Variants in SPOP observed in about 807,000 individuals in gnomAD.
SPOP encodes the protein speckle-type POZ protein.
Under a neutral mutation model 45.6 loss-of-function variants are expected in SPOP, and 11 were observed. The ratio of observed to expected loss-of-function variants is 0.24; its 90% CI spans 0.15 to 0.40. SPOP has a LOEUF of 0.40. Among genes scored for constraint, SPOP ranks in the 10% least tolerant of loss-of-function variants. SPOP has a pLI of 1.00. For synonymous variants in SPOP, 166 were observed against 166.3 expected (o/e 1.00, Z 0.01); for missense variants, 152 against 465.6 (o/e 0.33, Z 6.20).
intron 6 of SPOP, among the ~76,000 whole-genome samples, chr17:49,610,542 C>T (rs565930003): frequency 1.3e-5 from 2 of 152,260 alleles, no homozygotes; most frequent in East Asian, 1.9e-4. Context: ...TACACAGTAA[C>T]AGCCAGTTGT....
intron 1 of SPOP, among the ~76,000 whole-genome samples, chr17:49,669,794 C>T (rs1299807379): frequency 6.8e-6 from 1 of 147,586 alleles, no homozygotes; most frequent in Non-Finnish European, 1.5e-5. Flanking sequence ...ATTAAGACAG[C>T]ATAAAAGATG....
chr17:49,620,968 A>G (rs1163296753), intron 3 of SPOP, among the ~76,000 whole-genome samples: 2 of 152,236 alleles, frequency 1.3e-5, no homozygotes, highest in African/African-American at 4.8e-5. Context: ...AAAATGCACA[A>G]TATATAGCCA....
At chr17:49,642,596 G>GA (rs566444888) in intron 1 of SPOP, among the ~76,000 whole-genome samples, 79 of 152,146 alleles carry the variant, frequency 5.2e-4, no homozygotes, top group Non-Finnish European at 1.0e-3. Context: ...ACTACAGTTA[G>GA]AAAAATAATG....
intron 1 of SPOP, among the ~76,000 whole-genome samples, chr17:49,632,017 G>C (rs983792714): frequency 8.5e-5 from 13 of 152,204 alleles, no homozygotes; most frequent in Middle Eastern, 3.4e-3. Context: ...AGCTCAACGA[G>C]AATAGTATCC....
chr17:49,602,048 T>G, intron 8 of SPOP, 41 bp from the exon 9 acceptor site: 1 of 1,607,456 alleles, frequency 6.2e-7, no homozygotes, highest in Non-Finnish European at 8.5e-7. Flanking sequence ...GCAGCAATAG[T>G]TCTGGGCTGA....
chr17:49,637,611 A>G (rs972676879), intron 1 of SPOP, among the ~76,000 whole-genome samples: 3 of 152,150 alleles, frequency 2.0e-5, no homozygotes, highest in Non-Finnish European at 4.4e-5. Flanking sequence ...TCGACCTCCC[A>G]AAGTGCTGGG....
Position 49,619,096 on chromosome 17 carries a change from G to A in SPOP, c.365C>T (p.Ala122Val). The change falls in exon 5 of 10, where the codon GCA (alanine) becomes GTA (valine). Residue 122 changes from alanine (A) to valine (V), a missense_variant. Ala to Val is a moderately conservative substitution (Grantham distance 64). Coordinates refer to ENST00000504102, the MANE Select transcript of SPOP (RefSeq NM_001007228.2). This position sits in a 1 kb window ranked among gnomAD's most constrained non-coding sequence, Gnocchi z 4.9. ...EETKAMESQR[A>V]YRFVQGKDWG... is the part of the protein sequence containing the mutation. ...GTCTTTGCCTTGCACAAACCTATAT[G>A]CCCGTTGACTCTCTGGGGTGGGGAA... The A allele has an allele frequency of 6.2e-7, 1 of 1,613,950 alleles. No individual in the cohort carries two copies. The highest frequency in any genetic ancestry group is 8.5e-7 in the Non-Finnish European group (1 of 1,179,996).
At position 49,607,304 on chromosome 17, in the gene SPOP, C is replaced by T; in HGVS notation, c.783G>A (p.Gly261=). The T allele has an allele frequency of 6.2e-7, 1 of 1,614,090 alleles. No homozygotes were observed. The highest frequency in any genetic ancestry group is 8.5e-7 in the Non-Finnish European group (1 of 1,179,984). ...FKEMMCFIYT[G]KAPNLDKMAD... is the part of the protein sequence containing the mutation. Reference sequence around the variant, plus strand: ...CCATTTTGTCGAGGTTTGGAGCCTTCCCCGTGTAAATGAAGCACATCATTT... The same window carrying T: ...CCATTTTGTCGAGGTTTGGAGCCTTTCCCGTGTAAATGAAGCACATCATTT... Residue 261 remains glycine, a synonymous_variant, in exon 8 of 10, where the codon GGG becomes GGA. Coordinates refer to ENST00000504102, the MANE Select transcript of SPOP (RefSeq NM_001007228.2).
intron 1 of SPOP, among the ~76,000 whole-genome samples, chr17:49,643,702 G>A (rs1045868344): frequency 1.5e-4 from 22 of 151,314 alleles, no homozygotes; most frequent in African/African-American, 4.1e-4. Context: ...AGGCCCAGGC[G>A]GGCGGATCAC....
chr17:49,603,414 A>G (rs1238949389), intron 8 of SPOP, among the ~76,000 whole-genome samples: 1 of 152,234 alleles, frequency 6.6e-6, no homozygotes, highest in African/African-American at 2.4e-5. Context: ...TCTGATCCCT[A>G]TTGCATAATT....
At chr17:49,621,240 CAG>C (rs1205251554) in intron 3 of SPOP, among the ~76,000 whole-genome samples, 5 of 152,170 alleles carry the variant, frequency 3.3e-5, no homozygotes, top group Non-Finnish European at 5.9e-5. Flanking sequence ...CCACACAGTT[CAG>C]AGAAAGCTCA....
intron 1 of SPOP, among the ~76,000 whole-genome samples, chr17:49,665,693 C>CACA (rs2073048912): frequency 6.9e-6 from 1 of 145,636 alleles, no homozygotes; most frequent in Non-Finnish European, 1.5e-5. Flanking sequence ...CACACACACA[C>CACA]ACCAATCTGG....
intron 1 of SPOP, among the ~76,000 whole-genome samples, chr17:49,666,989 G>C (rs1367190060): frequency 6.6e-6 from 1 of 151,696 alleles, no homozygotes; most frequent in Non-Finnish European, 1.5e-5. Flanking sequence ...GACTAGCCTG[G>C]CCAACATGGT....
Position 49,598,988 on chromosome 17 carries a change from C to CG in SPOP, c.*1389dup, listed in dbSNP as rs1445358431. The CG allele has an allele frequency of 6.0e-5, 12 of 199,382 alleles. No homozygotes were observed. The highest frequency in any genetic ancestry group is 5.4e-4 in the East Asian group (7 of 12,874). 12.4% of individuals were successfully genotyped at this position (199,382 alleles called of 1,614,324 possible). A position where few individuals can be genotyped will look rare whatever the true frequency, so the allele number is the denominator to read the frequency against. Reference sequence around the variant, plus strand: ...GGTGGGGATTAGGTCTTAAAACATACGGGGGGCAGTTTAAAAGCCCACTAC... The same window carrying CG: ...GGTGGGGATTAGGTCTTAAAACATACGGGGGGGCAGTTTAAAAGCCCACTAC... On this transcript the variant is annotated 3_prime_UTR_variant, in exon 10 of 10. Coordinates refer to ENST00000504102, the MANE Select transcript of SPOP (RefSeq NM_001007228.2).
At chr17:49,648,091 GCTGTCCTGCTTCTCA>G in intron 1 of SPOP, among the ~76,000 whole-genome samples, 1 of 152,156 alleles carries the variant, frequency 6.6e-6, no homozygotes, top group East Asian at 1.9e-4. Flanking sequence ...AGTCCTGTCA[GCTGTCCTGCTTCTCA>G]ATGTATTCCA....
intron 1 of SPOP, among the ~76,000 whole-genome samples, chr17:49,659,834 C>T (rs1222800708): frequency 6.6e-6 from 1 of 152,138 alleles, no homozygotes; most frequent in Non-Finnish European, 1.5e-5. Context: ...AATTCCACAC[C>T]TACTCCTCCC....
chr17:49,613,641 G>A (rs1415173936), intron 5 of SPOP, among the ~76,000 whole-genome samples: 1 of 152,178 alleles, frequency 6.6e-6, no homozygotes, highest in Non-Finnish European at 1.5e-5. Context: ...AAAAGAGAAT[G>A]TACCTTTATT....
At position 49,600,364 on chromosome 17, in the gene SPOP, C is replaced by G. The variant is rs749487561; in HGVS notation, c.*14G>C. ...CTTCTGGAAATTAAACGGAGTCTTA[C>G]AACAAGCAGGATCTTAGGATTGCTT... is the stretch of plus-strand genomic sequence containing the variant. On this transcript the variant is annotated 3_prime_UTR_variant, in exon 10 of 10. Transcript: ENST00000504102. This position sits in a 1 kb window ranked among gnomAD's most constrained non-coding sequence, Gnocchi z 4.2. The G allele has an allele frequency of 6.2e-7, 1 of 1,613,708 alleles. No individual in the cohort carries two copies. Among genetic ancestry groups the G allele is most frequent in the Admixed American group, 1.7e-5 (1 of 60,020 alleles).
chr17:49,617,847 C>T (rs966457605), intron 5 of SPOP, among the ~76,000 whole-genome samples: 2 of 148,862 alleles, frequency 1.3e-5, no homozygotes, highest in Non-Finnish European at 3.0e-5. Context: ...TCACTTGAAT[C>T]TGGGAGGCAG....
Sources: gnomAD v4.1 joint callset for allele counts (sites outside exome capture counted in the v4.1 genomes callset) on GRCh38, gnomAD v4.1.1 for gene constraint, Gnocchi (gnomAD v3.1) non-coding constraint, MANE v1.5 for transcripts, NCBI Gene and HGNC (gene_info 2026-07-23, HGNC 2026-07-21) for gene names.